The following RAD51B variants were observed in gnomAD, a reference collection of about 807,000 sequenced individuals.
RAD51B encodes RAD51 paralog B, also known as DNA repair protein RAD51 homolog 2.
Under a neutral mutation model 42.2 loss-of-function variants are expected in RAD51B, and 38 were observed. The observed-to-expected ratio is 0.90, with a 90% confidence interval of 0.70 to 1.18. The LOEUF (loss-of-function observed/expected upper bound fraction) is 1.18. RAD51B is among the 50% of genes most tolerant of loss of function. RAD51B has a pLI of 0.00. For missense variants in RAD51B, 373 were observed against 400.7 expected, an observed-to-expected ratio of 0.93 and a Z score of 0.59; for synonymous variants, 154 against 145.2, an observed-to-expected ratio of 1.06 and a Z score of -0.43.
intron 9 of RAD51B, among the ~76,000 whole-genome samples, chr14:68,448,637 T>TC (rs1454580902): frequency 6.6e-6 from 1 of 152,240 alleles, no homozygotes; most frequent in Admixed American, 6.5e-5. Flanking sequence ...TTATGTAATT[T>TC]CCAAGTGTGT....
At chr14:68,383,410 C>T (rs547445603) in intron 8 of RAD51B, among the ~76,000 whole-genome samples, 1 of 152,242 alleles carries the variant, frequency 6.6e-6, no homozygotes, top group South Asian at 2.1e-4. Context: ...GTCCCTCCAA[C>T]CAAGACTTAT....
At chr14:68,164,575 G>A (rs2078711800) in intron 7 of RAD51B, among the ~76,000 whole-genome samples, 1 of 152,166 alleles carries the variant, frequency 6.6e-6, no homozygotes, top group African/African-American at 2.4e-5. Context: ...GGTGAGCATT[G>A]TGGAGTGTGG....
At chr14:68,581,175 G>C (rs1363530000) in intron 10 of RAD51B, among the ~76,000 whole-genome samples, 1 of 152,128 alleles carries the variant, frequency 6.6e-6, no homozygotes, top group South Asian at 2.1e-4. Context: ...CCCTAGTTGT[G>C]ATTTTTCGAC....
intron 10 of RAD51B, among the ~76,000 whole-genome samples, chr14:68,498,631 A>T (rs1050475738): frequency 3.9e-5 from 6 of 152,304 alleles, no homozygotes; most frequent in Non-Finnish European, 7.3e-5. Context: ...AGAAACCTAC[A>T]AACACAAAGT....
chr14:67,887,852 C>T (rs2043108646), intron 7 of RAD51B, among the ~76,000 whole-genome samples: 1 of 152,142 alleles, frequency 6.6e-6, no homozygotes, highest in Non-Finnish European at 1.5e-5. Context: ...GATGTGTAAC[C>T]TGCAAGACGT....
chr14:68,517,972 G>GA (rs1474408182), intron 10 of RAD51B, among the ~76,000 whole-genome samples: 1 of 152,132 alleles, frequency 6.6e-6, no homozygotes, highest in Non-Finnish European at 1.5e-5. Context: ...AGTGAGCCCT[G>GA]AAAGCTCAGT....
At chr14:68,630,204 G>A (rs964173048) in intron 10 of RAD51B, among the ~76,000 whole-genome samples, 2 of 152,122 alleles carry the variant, frequency 1.3e-5, no homozygotes, top group Admixed American at 1.3e-4. Flanking sequence ...CGTAAGTCAC[G>A]TTCCATTGCC....
At chr14:68,582,693 C>G (rs946129651) in intron 10 of RAD51B, among the ~76,000 whole-genome samples, 1 of 152,228 alleles carries the variant, frequency 6.6e-6, no homozygotes, top group Non-Finnish European at 1.5e-5. Flanking sequence ...GCTATAAAGA[C>G]ACATGCACAC....
chr14:68,552,253 T>C (rs1325112671), intron 10 of RAD51B, among the ~76,000 whole-genome samples: 1 of 152,208 alleles, frequency 6.6e-6, no homozygotes, highest in Admixed American at 6.5e-5. Flanking sequence ...TCTTCCGCAC[T>C]GTACTGTCTG....
intron 7 of RAD51B, among the ~76,000 whole-genome samples, chr14:68,173,280 C>G (rs775981126): frequency 6.6e-6 from 1 of 152,130 alleles, no homozygotes; most frequent in Non-Finnish European, 1.5e-5. Context: ...ACATTTTGGT[C>G]TTTGATCTTT....
At position 68,478,052 on chromosome 14, in the gene RAD51B, T is replaced by G; in HGVS notation, c.*388T>G. ...GGAGGATGACTAACAAGATTTGTAATTACAGGAGGGAACATTTCCGAATAA... is the reference window on the plus strand; with the variant it reads ...GGAGGATGACTAACAAGATTTGTAAGTACAGGAGGGAACATTTCCGAATAA... On this transcript the variant is annotated 3_prime_UTR_variant, in exon 11 of 11. Transcript: ENST00000471583. 9.3e-7 allele frequency: 1 copy of G among 1,075,910 alleles called. No individual in the cohort carries two copies. Among genetic ancestry groups the G allele is most frequent in the Non-Finnish European group, 1.1e-6 (1 of 886,958 alleles). 66.6% of individuals were successfully genotyped at this position (1,075,910 alleles called of 1,614,324 possible).
intron 10 of RAD51B, among the ~76,000 whole-genome samples, chr14:68,506,039 G>A (rs1885292638): frequency 6.6e-6 from 1 of 152,096 alleles, no homozygotes; most frequent in African/African-American, 2.4e-5. Flanking sequence ...ATCTCCTTCA[G>A]TTTCTACCCA....
chr14:68,369,486 C>T (rs987352574), intron 8 of RAD51B, among the ~76,000 whole-genome samples: 7 of 152,182 alleles, frequency 4.6e-5, no homozygotes, highest in African/African-American at 1.7e-4. Context: ...GGTCTCATAC[C>T]ATGGTTTCTT....
rs984098797 is a variant in RAD51B at position 68,095,690 on chromosome 14, A to T, written c.757-196194A>T. Reference sequence around the variant, plus strand: ...TGCATATTCTAGATAAAACAAACAGACTCAGCCAGGCACGGTGGCTCATGC... The same window carrying T: ...TGCATATTCTAGATAAAACAAACAGTCTCAGCCAGGCACGGTGGCTCATGC... On this transcript the variant is annotated intron_variant, in intron 7 of 10. Transcript: ENST00000471583. Among the ~76,000 whole-genome samples the T allele has an allele frequency of 1.3e-5, 2 of 152,006 alleles. 1 individual carries two copies. The highest frequency in any genetic ancestry group is 4.1e-4 in the South Asian group (2 of 4,824).
intron 7 of RAD51B, among the ~76,000 whole-genome samples, chr14:68,183,183 G>A (rs1481614670): frequency 6.6e-6 from 1 of 152,188 alleles, no homozygotes; most frequent in Admixed American, 6.5e-5. Flanking sequence ...GCAAGCTGAG[G>A]AGCAAGGAAG....
chr14:67,844,503 T>C (rs1245928008), intron 4 of RAD51B, among the ~76,000 whole-genome samples: 1 of 151,732 alleles, frequency 6.6e-6, no homozygotes, highest in African/African-American at 2.4e-5. Flanking sequence ...AAGAACTTGC[T>C]TTATGAACCT....
intron 7 of RAD51B, among the ~76,000 whole-genome samples, chr14:68,199,872 G>T (rs1269986948): frequency 6.6e-6 from 1 of 152,150 alleles, no homozygotes; most frequent in African/African-American, 2.4e-5. Context: ...TTGTCTGGCA[G>T]GTTTGGCCCA....
At chr14:67,976,107 T>A (rs2074988033) in intron 7 of RAD51B, among the ~76,000 whole-genome samples, 1 of 152,100 alleles carries the variant, frequency 6.6e-6, no homozygotes, top group African/African-American at 2.4e-5. Flanking sequence ...TTGATTTTTT[T>A]TTTTTTGGTT....
At chr14:68,558,190 G>A (rs534641580) in intron 10 of RAD51B, among the ~76,000 whole-genome samples, 2 of 152,276 alleles carry the variant, frequency 1.3e-5, no homozygotes, top group East Asian at 3.9e-4. Flanking sequence ...AGGTTTAGGG[G>A]CCTTCATAAC....
Sources: gnomAD v4.1 joint callset for allele counts (sites outside exome capture counted in the v4.1 genomes callset) on GRCh38, gnomAD v4.1.1 for gene constraint, MANE v1.5 for transcripts, NCBI Gene and HGNC (gene_info 2026-07-23, HGNC 2026-07-21) for gene names.